DMRT1: variants seen among roughly 807,000 people sequenced by gnomAD.
The protein encoded by DMRT1 is doublesex- and mab-3-related transcription factor 1.
A neutral mutation model predicts 32.3 loss-of-function variants in DMRT1; 7 were observed. The observed-to-expected ratio is 0.22, with a 90% CI of 0.12 to 0.41. The LOEUF is 0.41. Ranked by LOEUF, DMRT1 falls within the 10% of genes least tolerant of loss-of-function variation. DMRT1 has a pLI of 1.00. For synonymous variants in DMRT1, 278 were observed against 206.1 expected (o/e 1.35, Z -2.99); for missense variants, 625 against 500.5 (o/e 1.25, Z -2.37).
chr9:935,608 A>C (rs1250310270), intron 4 of DMRT1, among the ~76,000 whole-genome samples: 1 of 152,230 alleles, frequency 6.6e-6, no homozygotes, highest in Non-Finnish European at 1.5e-5. Context: ...TTCTATCAGC[A>C]CTTGCCTGAG....
chr9:945,773 C>G (rs1321922704), intron 4 of DMRT1, among the ~76,000 whole-genome samples: 3 of 143,672 alleles, frequency 2.1e-5, no homozygotes, highest in East Asian at 4.0e-4. Context: ...GTAATCTTGG[C>G]GTAATACAGT....
At chr9:918,154 A>C (rs997829895) in intron 4 of DMRT1, among the ~76,000 whole-genome samples, 5 of 152,236 alleles carry the variant, frequency 3.3e-5, no homozygotes, top group African/African-American at 1.2e-4. Context: ...TGAATGAATG[A>C]ATCTGGTATT....
rs10977448 is a variant in DMRT1 at position 913,040 on chromosome 9, T to G, written c.823-3723T>G. 8.1e-4 allele frequency among the ~76,000 whole-genome samples: 124 copies of G among 152,326 alleles called. No homozygotes were observed. In the East Asian group the frequency reaches 0.019, roughly 24 times the overall value. On this transcript the variant is annotated intron_variant, in intron 3 of 4. Transcript: ENST00000382276. The stretch of plus-strand genomic sequence containing the variant: ...GCTTGCCTAAAATATATATACTGTT[T>G]GACATTTACAATAAAAAGTTTGCTG...
chr9:845,913 G>T (rs1490145999), intron 1 of DMRT1, among the ~76,000 whole-genome samples: 1 of 152,148 alleles, frequency 6.6e-6, no homozygotes, highest in Non-Finnish European at 1.5e-5. Flanking sequence ...ACATGTGAAA[G>T]ACATTTCTCT....
chr9:864,342 T>G (rs1815865885), intron 2 of DMRT1, among the ~76,000 whole-genome samples: 1 of 150,926 alleles, frequency 6.6e-6, no homozygotes, highest in South Asian at 2.1e-4. Context: ...TAGCTGGGAT[T>G]AAAGGTGTCT....
chr9:878,200 G>GGCC (rs149257815), intron 2 of DMRT1, among the ~76,000 whole-genome samples: 4 of 94,040 alleles, frequency 4.3e-5, no homozygotes, highest in Non-Finnish European at 6.1e-5. Flanking sequence ...TGCAGCTGCT[G>GGCC]CCCCCCCCCC....
chr9:853,837 C>T (rs953210982), intron 2 of DMRT1, among the ~76,000 whole-genome samples: 1 of 151,962 alleles, frequency 6.6e-6, no homozygotes, highest in East Asian at 1.9e-4. Flanking sequence ...ATTCTGTCTC[C>T]CAGGCTGGAG....
chr9:859,495 G>A (rs1192348382), intron 2 of DMRT1, among the ~76,000 whole-genome samples: 1 of 152,076 alleles, frequency 6.6e-6, no homozygotes, highest in Non-Finnish European at 1.5e-5. Context: ...TCCCTTTTGC[G>A]GTTGTCAAAA....
Position 967,991 on chromosome 9 carries a change from C to T in DMRT1, c.974C>T (p.Ser325Leu), listed in dbSNP as rs374710258. Residue 325 changes from serine to leucine, a missense_variant, in exon 5 of 5, where the codon TCG (serine) becomes TTG (leucine). This residue lies in a region of DMRT1 where 416 missense variants were observed against 321.6 expected (regional missense o/e 1.29). Transcript: ENST00000382276. ...CTCTCACCTCACTTCGCAGTATTCT[C>T]GCCGCCCAGCAGTCAAGATTCTGGC... is the stretch of plus-strand genomic sequence containing the variant. ...SYPEARASVF[S>L]PPSSQDSGLV... The T allele has an allele frequency of 3.7e-6, 6 of 1,613,460 alleles. No individual in the cohort carries two copies. The East Asian group carries it at 8.9e-5, about 24-fold the overall frequency.
At chr9:875,921 C>A (rs906653698) in intron 2 of DMRT1, among the ~76,000 whole-genome samples, 2 of 152,102 alleles carry the variant, frequency 1.3e-5, no homozygotes, top group African/African-American at 4.8e-5. Flanking sequence ...AGCCAGAAGC[C>A]CCTGTCTCTG....
At chr9:875,279 G>A (rs927216656) in intron 2 of DMRT1, among the ~76,000 whole-genome samples, 1 of 152,148 alleles carries the variant, frequency 6.6e-6, no homozygotes, top group East Asian at 1.9e-4. Context: ...GAGGCTAGTG[G>A]TTGACGCAGT....
At chr9:942,536 G>GT (rs1368601274) in intron 4 of DMRT1, among the ~76,000 whole-genome samples, 2 of 152,196 alleles carry the variant, frequency 1.3e-5, no homozygotes, top group African/African-American at 4.8e-5. Context: ...GCCTCCCAAG[G>GT]TTTTGGGATT....
At chr9:884,467 T>C (rs1816848474) in intron 2 of DMRT1, among the ~76,000 whole-genome samples, 1 of 151,672 alleles carries the variant, frequency 6.6e-6, no homozygotes, top group African/African-American at 2.4e-5. Flanking sequence ...AGTATTAGAA[T>C]AAGAGGTGAC....
chr9:843,328 C>G (rs1388462056), intron 1 of DMRT1, among the ~76,000 whole-genome samples: 1 of 152,214 alleles, frequency 6.6e-6, no homozygotes, highest in Non-Finnish European at 1.5e-5. Flanking sequence ...GCCTGGGGCG[C>G]TTTTTGTCTT....
At chr9:882,302 TCTC>T (rs913022574) in intron 2 of DMRT1, among the ~76,000 whole-genome samples, 9 of 152,140 alleles carry the variant, frequency 5.9e-5, no homozygotes, top group African/African-American at 2.2e-4. Flanking sequence ...GCACCCCCAT[TCTC>T]CTCCTGCAGT....
Position 841,803 on chromosome 9 carries a change from G to A in DMRT1, c.-36G>A, listed in dbSNP as rs1231666722. 6.3e-7 allele frequency: 1 copy of A among 1,583,986 alleles called. No homozygotes were observed. Among genetic ancestry groups the A allele is most frequent in the Non-Finnish European group, 8.6e-7 (1 of 1,165,606 alleles). ...CTCGCAGCAGTCTCCAGGCGAGAGAGGGGGCCAGAGTGCTCGCACTTCTCC... is the reference window on the plus strand; with the variant it reads ...CTCGCAGCAGTCTCCAGGCGAGAGAAGGGGCCAGAGTGCTCGCACTTCTCC... On this transcript the variant is annotated 5_prime_UTR_variant, in exon 1 of 5. Transcript: ENST00000382276.
intron 2 of DMRT1, among the ~76,000 whole-genome samples, chr9:849,808 C>T (rs1004689087): frequency 3.6e-5 from 5 of 138,538 alleles, no homozygotes; most frequent in African/African-American, 7.8e-5. Flanking sequence ...CTTCTGAGGA[C>T]GATGGGCTCT....
intron 2 of DMRT1, among the ~76,000 whole-genome samples, chr9:860,911 G>A (rs1474225135): frequency 2.0e-5 from 3 of 152,226 alleles, no homozygotes; most frequent in Non-Finnish European, 4.4e-5. Context: ...GGTGACACCA[G>A]TGGGGTTGTG....
intron 2 of DMRT1, among the ~76,000 whole-genome samples, chr9:857,076 A>C (rs978710561): frequency 1.3e-5 from 2 of 152,174 alleles, no homozygotes; most frequent in Non-Finnish European, 2.9e-5. Context: ...GCACTTTGGG[A>C]GGCCGAGGTG....
Sources: allele counts gnomAD v4.1 joint callset (sites outside exome capture counted in the v4.1 genomes callset), GRCh38; gene constraint gnomAD v4.1.1; regional missense constraint gnomAD v4.1.1; transcripts MANE v1.5; gene names NCBI Gene and HGNC (gene_info 2026-07-23, HGNC 2026-07-21).